The following C2orf76 variants were observed in gnomAD, a reference collection of about 807,000 sequenced individuals.
C2orf76 encodes chromosome 2 open reading frame 76.
Under a neutral mutation model 16.9 loss-of-function variants are expected in C2orf76, and 23 were observed. The observed-to-expected ratio is 1.36, with a 90% confidence interval of 0.98 to 1.93. The LOEUF is 1.93. Among genes scored for constraint, C2orf76 ranks in the 30% most tolerant of loss-of-function variants. C2orf76 has a pLI of 0.00. For synonymous variants in C2orf76, 48 were observed against 52.3 expected (o/e 0.92, Z 0.35); for missense variants, 152 against 152.6 (o/e 1.00, Z 0.02).
At chr2:119,316,952 A>T (rs1011868076) in intron 4 of C2orf76, among the ~76,000 whole-genome samples, 2 of 152,238 alleles carry the variant, frequency 1.3e-5, no homozygotes, top group Non-Finnish European at 2.9e-5. Flanking sequence ...CTCTTTGGGA[A>T]AGGTAAGACA....
the C2orf76 span, among the ~76,000 whole-genome samples, chr2:119,296,340 C>A: frequency 6.6e-6 from 1 of 152,146 alleles, no homozygotes; most frequent in Non-Finnish European, 1.5e-5. Flanking sequence ...TTTCTGAAAG[C>A]AAAATGAGGT....
chr2:119,335,809 C>G (rs1679828045), intron 2 of C2orf76, among the ~76,000 whole-genome samples: 2 of 152,156 alleles, frequency 1.3e-5, no homozygotes, highest in African/African-American at 4.8e-5. Flanking sequence ...CCTCTGTGAC[C>G]TTCCTCTCAA....
At chr2:119,343,954 A>T (rs559248712) in intron 1 of C2orf76, among the ~76,000 whole-genome samples, 4 of 152,352 alleles carry the variant, frequency 2.6e-5, no homozygotes, top group Non-Finnish European at 5.9e-5. Context: ...GCAGCAGATA[A>T]AGATAAATTC....
chr2:119,287,689 T>A, the C2orf76 span, among the ~76,000 whole-genome samples: 1 of 152,150 alleles, frequency 6.6e-6, no homozygotes, highest in African/African-American at 2.4e-5. Context: ...TGGCAGAAAT[T>A]TTTAACTGAC....
intron 1 of C2orf76, among the ~76,000 whole-genome samples, chr2:119,357,419 T>C (rs1186264276): frequency 6.6e-6 from 1 of 152,124 alleles, no homozygotes; most frequent in African/African-American, 2.4e-5. Context: ...AAGCAATCAA[T>C]GTAATCCACC....
At chr2:119,325,231 G>A (rs942167221) in intron 2 of C2orf76, among the ~76,000 whole-genome samples, 1 of 151,844 alleles carries the variant, frequency 6.6e-6, no homozygotes, top group Non-Finnish European at 1.5e-5. Context: ...AGGCCGAGGC[G>A]GTTGGGCCAC....
chr2:119,286,552 A>C, the C2orf76 span, among the ~76,000 whole-genome samples: 1 of 152,114 alleles, frequency 6.6e-6, no homozygotes, highest in South Asian at 2.1e-4. Context: ...CTGGAGGAGA[A>C]GCTGGAGATG....
chr2:119,319,323 T>C (rs1345789621), intron 3 of C2orf76, among the ~76,000 whole-genome samples: 1 of 152,168 alleles, frequency 6.6e-6, no homozygotes, highest in African/African-American at 2.4e-5. Context: ...GGGTGTGACC[T>C]GAGGAGTGGG....
At chr2:119,311,337 A>C (rs1678979872) in intron 5 of C2orf76, 1 of 985,394 alleles carries the variant, frequency 1.0e-6, no homozygotes, top group South Asian at 4.7e-5. Context: ...TAGACGTGGT[A>C]CTTACAACCC....
intron 4 of C2orf76, among the ~76,000 whole-genome samples, chr2:119,315,857 T>C (rs1483279403): frequency 2.6e-5 from 4 of 152,206 alleles, no homozygotes; most frequent in Admixed American, 6.5e-5. Context: ...AATTCTAAGA[T>C]TGTTTTGTCT....
intron 2 of C2orf76, among the ~76,000 whole-genome samples, chr2:119,323,831 T>G (rs1679424618): frequency 6.6e-6 from 1 of 152,008 alleles, no homozygotes; most frequent in South Asian, 2.1e-4. Flanking sequence ...GAGCCTGGAG[T>G]GGCCACACCT....
At chr2:119,330,801 TA>T (rs200702733) in intron 2 of C2orf76, among the ~76,000 whole-genome samples, 2 of 101,166 alleles carry the variant, frequency 2.0e-5, no homozygotes, top group African/African-American at 8.0e-5. Flanking sequence ...TCAAGTTGAC[TA>T]ATTTTTTTCT....
At chr2:119,295,008 G>A in the C2orf76 span, among the ~76,000 whole-genome samples, 1 of 152,178 alleles carries the variant, frequency 6.6e-6, no homozygotes, top group Non-Finnish European at 1.5e-5. Context: ...ACCAGAGGCA[G>A]AGAAATGGAA....
rs529811315 is a variant in C2orf76 at position 119,348,763 on chromosome 2, G to A, written c.-12-8792C>T. 1.9e-4 allele frequency among the ~76,000 whole-genome samples: 29 copies of A among 152,136 alleles called. 1 individual carries two copies. The South Asian group carries it at 5.6e-3, about 29-fold the overall frequency. On this transcript the variant is annotated intron_variant, in intron 1 of 5. Coordinates refer to ENST00000334816, the MANE Select transcript of C2orf76 (RefSeq NM_001322331.2). ...TAATGCCAGCACTTTGGAAGCCCAA[G>A]GTGGGCAGGTTGTTTGAGTCCAGGA...
intron 5 of C2orf76, among the ~76,000 whole-genome samples, chr2:119,310,957 G>A (rs1477178366): frequency 6.6e-6 from 1 of 152,168 alleles, no homozygotes; most frequent in East Asian, 1.9e-4. Flanking sequence ...GGTGTGTGAG[G>A]GGCACACTGC....
chr2:119,290,250 A>G, the C2orf76 span, among the ~76,000 whole-genome samples: 2 of 151,770 alleles, frequency 1.3e-5, no homozygotes, highest in African/African-American at 4.8e-5. Context: ...TAAGCACCTC[A>G]CCTGGGCCAA....
At chr2:119,301,076 AACACACACAC>A (rs57577702), downstream of C2orf76, among the ~76,000 whole-genome samples, 1 of 146,140 alleles carries the variant, frequency 6.8e-6, no homozygotes, top group Non-Finnish European at 1.5e-5. Flanking sequence ...ACTTCTTAAA[AACACACACAC>A]ACACACACAC....
intron 1 of C2orf76, among the ~76,000 whole-genome samples, chr2:119,360,972 TAAG>T (rs780203735): frequency 6.6e-6 from 1 of 152,236 alleles, no homozygotes; most frequent in Non-Finnish European, 1.5e-5. Flanking sequence ...TGCCAGGGGC[TAAG>T]GAGGAGCTAG....
intron 1 of C2orf76, among the ~76,000 whole-genome samples, chr2:119,342,203 G>A (rs1680053590): frequency 6.6e-6 from 1 of 152,116 alleles, no homozygotes. Context: ...CATTAAACAT[G>A]GATAAATCTC....
Sources: allele counts gnomAD v4.1 joint callset (sites outside exome capture counted in the v4.1 genomes callset), GRCh38; gene constraint gnomAD v4.1.1; transcripts MANE v1.5; gene names NCBI Gene and HGNC (gene_info 2026-07-23, HGNC 2026-07-21).